ANK3: variants seen among roughly 807,000 people sequenced by gnomAD.
ANK3 encodes ankyrin 3.
A neutral mutation model predicts 370.9 loss-of-function variants in ANK3; 57 were observed. The observed-to-expected ratio is 0.15, with a 90% CI of 0.12 to 0.19. The LOEUF is 0.19. ANK3 is among the 10% of genes least tolerant of loss of function. The probability of loss-of-function intolerance (pLI) is 1.00; values close to 1 mark genes in which losing one functional copy is unlikely to be tolerated. For missense variants in ANK3, 4,439 were observed against 5,302.1 expected (o/e 0.84, Z 5.06); for synonymous variants, 1,929 against 1,946.3 (o/e 0.99, Z 0.23).
chr10:60,050,875 TG>T (rs2077827608), intron 42 of ANK3: 2 of 152,192 alleles, frequency 1.3e-5, no homozygotes, highest in Non-Finnish European at 2.9e-5. Flanking sequence ...ATTTTTTTCT[TG>T]TGTGTTAGTA....
chr10:60,293,831 T>C (rs2132765654), intron 1 of ANK3, among the ~76,000 whole-genome samples: 1 of 152,310 alleles, frequency 6.6e-6, no homozygotes, highest in African/African-American at 2.4e-5. Context: ...CTTAGAGAGG[T>C]ACCTCATAAT....
chr10:60,523,059 T>C (rs893521835), intron 2 of ANK3, among the ~76,000 whole-genome samples: 4 of 152,042 alleles, frequency 2.6e-5, no homozygotes, highest in African/African-American at 4.8e-5. Flanking sequence ...AAGAACAGTA[T>C]ACTAGACATC....
rs80334802 is a variant in ANK3, at chr10:60,403,273, T to C, written c.97-123634A>G. 1.7e-3 allele frequency among the ~76,000 whole-genome samples: 262 copies of C among 152,228 alleles called. 4 individuals carry two copies. The East Asian group carries it at 0.047, about 28-fold the overall frequency. On this transcript the variant is annotated intron_variant, in intron 2 of 43. Transcript: ENST00000373827. ...TGCTGGTGGTTTCTATTGAACATTT[T>C]GGGGGAAAAATCAATATCACACCAA...
chr10:60,658,043 G>T (rs565570125), intron 1 of ANK3, among the ~76,000 whole-genome samples: 1 of 144,228 alleles, frequency 6.9e-6, no homozygotes. Flanking sequence ...TGTTTCCATG[G>T]TGTATTATTT....
At chr10:60,331,386 AC>A (rs2051252378) in intron 1 of ANK3, among the ~76,000 whole-genome samples, 1 of 152,178 alleles carries the variant, frequency 6.6e-6, no homozygotes, top group South Asian at 2.1e-4. Flanking sequence ...CATGTGTTAT[AC>A]ACCAAAATTA....
At chr10:60,582,769 T>A (rs975946062) in intron 2 of ANK3, among the ~76,000 whole-genome samples, 4 of 152,100 alleles carry the variant, frequency 2.6e-5, no homozygotes, top group African/African-American at 9.7e-5. Flanking sequence ...GTAGGTTGTC[T>A]TTTTGTCTGT....
chr10:60,133,326 G>C (rs2094189134), intron 25 of ANK3, among the ~76,000 whole-genome samples: 2 of 152,172 alleles, frequency 1.3e-5, no homozygotes, highest in Non-Finnish European at 2.9e-5. Context: ...CTTAAAGCCA[G>C]GTATTATCTG....
chr10:60,592,005 T>C (rs1488608273), intron 2 of ANK3, among the ~76,000 whole-genome samples: 1 of 152,184 alleles, frequency 6.6e-6, no homozygotes, highest in Non-Finnish European at 1.5e-5. Flanking sequence ...TAAGACCTAC[T>C]ATTTGATAGC....
chr10:60,271,923 A>T (rs2097993833), intron 4 of ANK3, among the ~76,000 whole-genome samples: 1 of 150,836 alleles, frequency 6.6e-6, no homozygotes, highest in South Asian at 2.1e-4. Flanking sequence ...GCTCAAGATT[A>T]GAAACACAAA....
chr10:60,565,618 A>G (rs1241187994), intron 2 of ANK3, among the ~76,000 whole-genome samples: 1 of 152,198 alleles, frequency 6.6e-6, no homozygotes, highest in Non-Finnish European at 1.5e-5. Flanking sequence ...TGCACTCTAT[A>G]GTCCAAATAT....
At chr10:60,086,641 G>T in intron 30 of ANK3, 36 bp downstream of exon 30, 1 of 1,534,936 alleles carries the variant, frequency 6.5e-7, no homozygotes, top group Non-Finnish European at 8.9e-7. Flanking sequence ...CAATCTTTGT[G>T]AATCAATAGG....
In ANK3 at chr10:60,491,104, A is replaced by G. The variant is rs144489272; in HGVS notation, c.96+124082T>C. 8.5e-5 allele frequency among the ~76,000 whole-genome samples: 13 copies of G among 152,328 alleles called. No homozygotes were observed. In the East Asian group the frequency reaches 2.3e-3, roughly 27 times the overall value. On this transcript the variant is annotated intron_variant, in intron 2 of 43. Transcript: ENST00000373827. Reference sequence around the variant, plus strand: ...ATGTTCATCTATGTTGTTGCATGGTATCAGTTATTCATTTCAATTTTTAAT... The same window carrying G: ...ATGTTCATCTATGTTGTTGCATGGTGTCAGTTATTCATTTCAATTTTTAAT...
At chr10:60,458,640 T>C (rs1458775966) in intron 2 of ANK3, among the ~76,000 whole-genome samples, 1 of 152,034 alleles carries the variant, frequency 6.6e-6, no homozygotes, top group African/African-American at 2.4e-5. Context: ...GCAATATTAT[T>C]TTGGATGACT....
chr10:60,643,818 T>C (rs931843015), intron 1 of ANK3, among the ~76,000 whole-genome samples: 15 of 152,166 alleles, frequency 9.9e-5, no homozygotes, highest in African/African-American at 3.1e-4. Context: ...CATGTTTATC[T>C]GAGGGACTTG....
intron 1 of ANK3, among the ~76,000 whole-genome samples, chr10:60,353,438 C>T (rs190594874): frequency 2.6e-5 from 4 of 152,006 alleles, no homozygotes; most frequent in Admixed American, 2.0e-4. Context: ...CCTTGGTTAC[C>T]CCTGCCTAAC....
chr10:60,275,991 A>G (rs992263493), intron 4 of ANK3, among the ~76,000 whole-genome samples: 2 of 152,344 alleles, frequency 1.3e-5, no homozygotes, highest in East Asian at 3.9e-4. Context: ...ATCACAATTT[A>G]GTCAACTCAA....
At chr10:60,641,358 TC>T (rs1329886691) in intron 1 of ANK3, among the ~76,000 whole-genome samples, 1 of 152,048 alleles carries the variant, frequency 6.6e-6, no homozygotes, top group African/African-American at 2.4e-5. Flanking sequence ...GCTGGAGGCA[TC>T]ACGCTACCCG....
chr10:60,354,077 C>T (rs909842990), intron 1 of ANK3, among the ~76,000 whole-genome samples: 3 of 152,218 alleles, frequency 2.0e-5, no homozygotes, highest in African/African-American at 7.2e-5. Flanking sequence ...TTTTCAGTTC[C>T]ATCCCACCTT....
chr10:60,565,151 G>C (rs2077427994), intron 2 of ANK3, among the ~76,000 whole-genome samples: 1 of 152,056 alleles, frequency 6.6e-6, no homozygotes, highest in African/African-American at 2.4e-5. Flanking sequence ...ATGTTTTCCT[G>C]TGAAGTAGTG....
Sources: gnomAD v4.1 joint callset for allele counts (sites outside exome capture counted in the v4.1 genomes callset) on GRCh38, gnomAD v4.1.1 for gene constraint, MANE v1.5 for transcripts, NCBI Gene and HGNC (gene_info 2026-07-23, HGNC 2026-07-21) for gene names.